The following ARHGAP31 variants were observed in gnomAD, a reference collection of about 807,000 sequenced individuals.
The protein encoded by ARHGAP31 is rho GTPase-activating protein 31.
A neutral mutation model predicts 113.9 loss-of-function variants in ARHGAP31; 34 were observed. The ratio of observed to expected loss-of-function variants is 0.30; its 90% CI spans 0.23 to 0.40. The LOEUF is 0.40. Among genes scored for constraint, ARHGAP31 ranks in the 10% least tolerant of loss-of-function variants. ARHGAP31 has a pLI of 1.00. For missense variants in ARHGAP31, 1,548 were observed against 1,767.1 expected, an observed-to-expected ratio of 0.88 and a Z score of 2.22; for synonymous variants, 650 against 684.8, an observed-to-expected ratio of 0.95 and a Z score of 0.79.
chr3:119,310,950 T>C (rs115252327), intron 1 of ARHGAP31, among the ~76,000 whole-genome samples: 149 of 152,300 alleles, frequency 9.8e-4, no homozygotes, highest in African/African-American at 3.5e-3. Context: ...CTTTGAAGGA[T>C]AGACATGCAG....
intron 5 of ARHGAP31, 90 bp from the exon 6 acceptor site, chr3:119,382,994 G>A (rs919079986): frequency 4.1e-6 from 6 of 1,472,140 alleles, no homozygotes; most frequent in Non-Finnish European, 4.7e-6. Flanking sequence ...TTTAGGAGAT[G>A]AGCCTTGTGC....
intron 1 of ARHGAP31, among the ~76,000 whole-genome samples, chr3:119,314,089 C>T (rs1293296495): frequency 1.3e-5 from 2 of 152,200 alleles, no homozygotes; most frequent in Non-Finnish European, 2.9e-5. Flanking sequence ...ATCTCCCGAC[C>T]AGAGCATTAT....
intron 1 of ARHGAP31, among the ~76,000 whole-genome samples, chr3:119,302,041 G>A (rs2079589122): frequency 6.6e-6 from 1 of 152,230 alleles, no homozygotes; most frequent in Non-Finnish European, 1.5e-5. Context: ...TTAAGCCAAT[G>A]TGACATTTTC....
chr3:119,392,506 G>A (rs1026758576), intron 7 of ARHGAP31, among the ~76,000 whole-genome samples: 2 of 152,226 alleles, frequency 1.3e-5, no homozygotes, highest in Non-Finnish European at 1.5e-5. Context: ...TTCCACGAGA[G>A]CCCTGCGGAG....
chr3:119,394,476 A>T (rs957544027), intron 8 of ARHGAP31, among the ~76,000 whole-genome samples: 1 of 152,182 alleles, frequency 6.6e-6, no homozygotes, highest in Non-Finnish European at 1.5e-5. Context: ...AATTTAACCA[A>T]TGCAGCTGAA....
chr3:119,383,465 C>G (rs1286945919), intron 6 of ARHGAP31, among the ~76,000 whole-genome samples: 1 of 152,132 alleles, frequency 6.6e-6, no homozygotes, highest in African/African-American at 2.4e-5. Flanking sequence ...ACATACATGG[C>G]CTATCCTGTG....
intron 1 of ARHGAP31, among the ~76,000 whole-genome samples, chr3:119,344,164 T>C (rs1259000411): frequency 6.6e-6 from 1 of 152,270 alleles, no homozygotes; most frequent in South Asian, 2.1e-4. Flanking sequence ...TGTTTTAATC[T>C]ATGTCCCATG....
At chr3:119,340,445 C>T (rs1577002547) in intron 1 of ARHGAP31, among the ~76,000 whole-genome samples, 1 of 152,200 alleles carries the variant, frequency 6.6e-6, no homozygotes, top group East Asian at 1.9e-4. Context: ...TCCCAAATGC[C>T]ACATCTAAGT....
intron 6 of ARHGAP31, among the ~76,000 whole-genome samples, chr3:119,390,378 G>C (rs1472373627): frequency 1.3e-5 from 2 of 152,252 alleles, no homozygotes; most frequent in Admixed American, 1.3e-4. Flanking sequence ...TACTCTGGCA[G>C]TTAGGCTATC....
In ARHGAP31 at chr3:119,413,963, G is replaced by C. The variant is rs2080741990; in HGVS notation, c.2034G>C (p.Lys678Asn). ...CATCGTTGCCACCTCCTGCTCTGAAGACCAGCCCAATTCAGCCTATTCTCG... is the reference window on the plus strand; with the variant it reads ...CATCGTTGCCACCTCCTGCTCTGAACACCAGCCCAATTCAGCCTATTCTCG... ...ELSSLPPPAL[K>N]TSPIQPILES... Residue 678 changes from lysine (K) to asparagine (N), a missense_variant, in exon 12 of 12, where the codon AAG (lysine) becomes AAC (asparagine). By Grantham distance (94) the Lys-to-Asn change is moderately conservative. Transcript: ENST00000264245. 1 of 1,614,046 alleles carries C rather than the reference G, an allele frequency of 6.2e-7. No individual in the cohort carries two copies. The highest frequency in any genetic ancestry group is 1.3e-5 in the African/African-American group (1 of 74,906).
rs574154467 is a variant in ARHGAP31 at position 119,404,202 on chromosome 3, T to A, written c.1645+1805T>A. 1.4e-4 allele frequency among the ~76,000 whole-genome samples: 21 copies of A among 152,298 alleles called. 1 individual carries two copies. The South Asian group carries it at 4.1e-3, about 30-fold the overall frequency. On this transcript the variant is annotated intron_variant, in intron 10 of 11. Transcript: ENST00000264245. ...GTGTTTCCAAAGGCTTTTGTGAGAT[T>A]TGTTATCCTCTCTGGAAGAATAGGT... is the stretch of plus-strand genomic sequence containing the variant.
chr3:119,326,253 T>C (rs1225363115), intron 1 of ARHGAP31, among the ~76,000 whole-genome samples: 2 of 152,202 alleles, frequency 1.3e-5, no homozygotes, highest in African/African-American at 4.8e-5. Context: ...TGTAGGCACA[T>C]TTGAAGACAA....
At chr3:119,331,017 G>C (rs1414321998) in intron 1 of ARHGAP31, among the ~76,000 whole-genome samples, 1 of 152,162 alleles carries the variant, frequency 6.6e-6, no homozygotes, top group African/African-American at 2.4e-5. Flanking sequence ...TCAGGAGGTG[G>C]CATGGCTAGT....
At chr3:119,297,022 C>A (rs2079538616) in intron 1 of ARHGAP31, among the ~76,000 whole-genome samples, 1 of 152,162 alleles carries the variant, frequency 6.6e-6, no homozygotes, top group Admixed American at 6.5e-5. Context: ...ACTTTGAAGA[C>A]TGAACATACC....
chr3:119,307,140 A>G (rs1456222972), intron 1 of ARHGAP31, among the ~76,000 whole-genome samples: 3 of 151,962 alleles, frequency 2.0e-5, no homozygotes, highest in Non-Finnish European at 4.4e-5. Context: ...TTGTTTGCTG[A>G]TAGACTACCA....
rs547256013 is a variant in ARHGAP31, at chr3:119,402,289, C to G, written c.1537C>G (p.Pro513Ala). ...STNSTPCRTP[P>A]KELQSLSSLE... ...CAACAGCACGCCGTGCAGAACACCC[C>G]CGAAGGAGCTGCAGTCTCTTTCCAG... is the stretch of plus-strand genomic sequence containing the variant. The change falls in exon 10 of 12, where the codon CCG (proline) becomes GCG (alanine). Residue 513 changes from proline to alanine, a missense_variant. Pro to Ala is a conservative substitution (Grantham distance 27, BLOSUM62 -1). Transcript: ENST00000264245. 35 of 1,614,154 alleles carry G rather than the reference C, an allele frequency of 2.2e-5. No homozygotes were observed. The highest frequency in any genetic ancestry group is 1.0e-4 in the Admixed American group (6 of 60,018).
At chr3:119,360,216 G>A (rs115664521) in intron 1 of ARHGAP31, among the ~76,000 whole-genome samples, 3,941 of 152,270 alleles carry the variant, frequency 0.026, 68 homozygotes, top group Non-Finnish European at 0.04. Flanking sequence ...TGCACTCACA[G>A]GCTTTATCAC....
intron 1 of ARHGAP31, among the ~76,000 whole-genome samples, chr3:119,355,576 T>G (rs1159510517): frequency 6.6e-6 from 1 of 152,066 alleles, no homozygotes; most frequent in Middle Eastern, 3.2e-3. Context: ...CATGTTGGTG[T>G]GCTGCACTCA....
chr3:119,358,251 A>C (rs973752931), intron 1 of ARHGAP31, among the ~76,000 whole-genome samples: 1 of 152,236 alleles, frequency 6.6e-6, no homozygotes, highest in African/African-American at 2.4e-5. Flanking sequence ...AGTAAGCACA[A>C]GAAAAGATGT....
Sources: gnomAD v4.1 joint callset for allele counts (sites outside exome capture counted in the v4.1 genomes callset) on GRCh38, gnomAD v4.1.1 for gene constraint, MANE v1.5 for transcripts, NCBI Gene and HGNC (gene_info 2026-07-23, HGNC 2026-07-21) for gene names.